ROS1: variants seen among roughly 807,000 people sequenced by gnomAD.
ROS1 encodes the protein proto-oncogene tyrosine-protein kinase ROS.
ROS1 carries 263 observed loss-of-function variants against 273.5 expected under a neutral mutation model. That is an observed-to-expected ratio of 0.96 (90% CI 0.87 to 1.06). The LOEUF is 1.06. Ranked by LOEUF, ROS1 falls within the 50% of genes least tolerant of loss-of-function variation. The pLI is 0.00. For synonymous variants in ROS1, 1,008 were observed against 954.1 expected, an observed-to-expected ratio of 1.06 and a Z score of -1.04; for missense variants, 2,833 against 2,751.1, an observed-to-expected ratio of 1.03 and a Z score of -0.67.
In ROS1 at chr6:117,393,337, A is replaced by G. The variant is rs1773221905; in HGVS notation, c.1192-16T>C. 3 of 1,452,480 alleles carry G rather than the reference A, an allele frequency of 2.1e-6. No homozygotes were observed. The highest frequency in any genetic ancestry group is 2.9e-6 in the Non-Finnish European group (3 of 1,035,272). 90.0% of individuals were successfully genotyped at this position (1,452,480 alleles called of 1,614,324 possible). On this transcript the variant is annotated splice_polypyrimidine_tract_variant and intron_variant, in intron 11 of 43. Transcript: ENST00000368507. ...AGACACATACCTAAAAAAATAAAAA[A>G]TATACCGGTAGGATTAGCATCTGTC...
chr6:117,414,548 G>T lies in ROS1; in HGVS notation c.229-3C>A. ...CAAACGGTGGCATAAGTATCATTCT[G>T]CATAGAAAAAAAAAAAGACTACTTA... On this transcript the variant is annotated splice_region_variant and splice_polypyrimidine_tract_variant and intron_variant, in intron 3 of 43. Coordinates refer to ENST00000368507, the MANE Select transcript of ROS1 (RefSeq NM_001378902.1). 1 of 716,130 alleles carries T rather than the reference G, an allele frequency of 1.4e-6. No homozygotes were observed. The highest frequency in any genetic ancestry group is 2.5e-6 in the Non-Finnish European group (1 of 398,620). 44.4% of individuals were successfully genotyped at this position (716,130 alleles called of 1,614,324 possible). A position where few individuals can be genotyped will look rare whatever the true frequency, so the allele number is the denominator to read the frequency against.
At position 117,425,551 on chromosome 6, in the gene ROS1, A is replaced by G; in HGVS notation, c.106T>C (p.Ser36Pro). Residue 36 changes from serine to proline, a missense_variant, in exon 1 of 44, where the codon TCG becomes CCG. Coordinates refer to ENST00000368507, the MANE Select transcript of ROS1 (RefSeq NM_001378902.1). ...QCTVLNSCLK[S>P]CVTNLGQQLD... ...AGACTTACCAGATTAGTTACACACG[A>G]CTTTAGGCAGCTATTTAAAACTGTA... The G allele has an allele frequency of 1.2e-6, 2 of 1,601,804 alleles. No individual in the cohort carries two copies. Among genetic ancestry groups the G allele is most frequent in the Non-Finnish European group, 1.7e-6 (2 of 1,176,334 alleles).
rs1582660716 is a variant in ROS1 at position 117,337,314 on chromosome 6, A to G, written c.5088T>C (p.Val1696=). ...CAGGACCTTGGCTGCATGAAGTTTT[A>G]ACATGGTAAAACTCATTGTATTTCC... ...QKWKYNEFYH[V]KTSCSQGPAY... is the part of the protein sequence containing the mutation. The change falls in exon 32 of 44, where the codon GTT becomes GTC. Residue 1696 remains valine, a synonymous_variant. Coordinates refer to ENST00000368507, the MANE Select transcript of ROS1 (RefSeq NM_001378902.1). 6.2e-7 allele frequency: 1 copy of G among 1,605,188 alleles called. No individual in the cohort carries two copies. The highest frequency in any genetic ancestry group is 8.5e-7 in the Non-Finnish European group (1 of 1,177,044).
chr6:117,410,755 T>C (rs1774838108), intron 4 of ROS1, among the ~76,000 whole-genome samples: 1 of 152,182 alleles, frequency 6.6e-6, no homozygotes, highest in South Asian at 2.1e-4. Context: ...AGAAGAGCTA[T>C]AACTTGCAAA....
chr6:117,330,747 T>C (rs1270558904), intron 32 of ROS1, among the ~76,000 whole-genome samples: 4 of 151,984 alleles, frequency 2.6e-5, no homozygotes, highest in South Asian at 2.1e-4. Context: ...GAAGTGACTA[T>C]TGAAAGAAAA....
chr6:117,383,570 T>G, intron 16 of ROS1, 62 bp from the exon 17 acceptor site: 1 of 1,221,156 alleles, frequency 8.2e-7, no homozygotes, highest in South Asian at 1.2e-5. Context: ...TTTCTGAATA[T>G]TTATTGCAAT....
rs770389378 is a variant in ROS1, at chr6:117,376,405, TG to T, written c.2582+2653del. ...AACTCCAGGTCCAGATGAATTAGCT[TG>T]TGGACTTTATCAAAACTAAAGAAGA... is the stretch of plus-strand genomic sequence containing the variant. On this transcript the variant is annotated intron_variant, in intron 18 of 43. Transcript: ENST00000368507. Among the ~76,000 whole-genome samples the T allele has an allele frequency of 1.1e-4, 16 of 152,254 alleles. No homozygotes were observed. In the East Asian group the frequency reaches 1.7e-3, roughly 17 times the overall value.
At position 117,389,434 on chromosome 6, in the gene ROS1, C is replaced by G. The variant is rs2128704025; in HGVS notation, c.1702G>C (p.Gly568Arg). The G allele has an allele frequency of 6.2e-7, 1 of 1,614,164 alleles. No individual in the cohort carries two copies. Among genetic ancestry groups the G allele is most frequent in the Non-Finnish European group, 8.5e-7 (1 of 1,180,036 alleles). ...AGCACCGAAAGCTCCTGCGGGCGGC[C>G]TGGCAGAGGGTGCAGCTGGGAGGAT... ...GSSSQLHPLP[G>R]RPQELSVLFG... Residue 568 changes from glycine (G) to arginine (R), a missense_variant, in exon 13 of 44, where the codon GGC becomes CGC. Physicochemically the swap from Gly to Arg is moderately radical, Grantham distance 125 (BLOSUM62 -2). Transcript: ENST00000368507.
rs1775316970 is a variant in ROS1, at chr6:117,308,853, C to T, written c.6492G>A (p.Val2164=). The part of the protein sequence containing the change: ...QPYPAHSNLD[V]LNYVQTGGRL... Reference sequence around the variant, plus strand: ...TCCCTCCTGTTTGCACATAGTTTAACACATCAAGGTTGGAATGAGCTGGAT... The same window carrying T: ...TCCCTCCTGTTTGCACATAGTTTAATACATCAAGGTTGGAATGAGCTGGAT... The change falls in exon 42 of 44, where the codon GTG becomes GTA. Residue 2164 remains valine (V), a synonymous_variant. Transcript: ENST00000368507. 6.2e-7 allele frequency: 1 copy of T among 1,613,424 alleles called. No individual in the cohort carries two copies. The highest frequency in any genetic ancestry group is 2.2e-5 in the East Asian group (1 of 44,850).
chr6:117,383,404 C>G lies in ROS1; in HGVS notation c.2394G>C (p.Trp798Cys). 2.5e-6 allele frequency: 4 copies of G among 1,613,862 alleles called. No homozygotes were observed. Among genetic ancestry groups the G allele is most frequent in the Non-Finnish European group, 3.4e-6 (4 of 1,179,802 alleles). The change falls in exon 17 of 44, where the codon TGG becomes TGC. Residue 798 changes from tryptophan (W) to cysteine (C), a missense_variant. Coordinates refer to ENST00000368507, the MANE Select transcript of ROS1 (RefSeq NM_001378902.1). ...TGCTTTCCACTGAATAGAGTGTGGT[C>G]CAGTAGAGATATCCACCAACTGAAT... ...VVDSVGGYLY[W>C]TTLYSVESTR...
intron 22 of ROS1, among the ~76,000 whole-genome samples, chr6:117,361,030 T>A (rs1562314828): frequency 6.6e-6 from 1 of 152,120 alleles, no homozygotes; most frequent in African/African-American, 2.4e-5. Flanking sequence ...CATTGTCTCT[T>A]TTGATCTTCA....
rs181239435 is a variant in ROS1 at position 117,419,214 on chromosome 6, T to C, written c.124-708A>G. On this transcript the variant is annotated intron_variant, in intron 1 of 43. Transcript: ENST00000368507. ...TCTATCCATTTGGCTCTTCACTCCA[T>C]CCTCAGCACCTGGAACACTGCCTGC... 3.9e-5 allele frequency among the ~76,000 whole-genome samples: 6 copies of C among 152,308 alleles called. No homozygotes were observed. The East Asian group carries it at 1.2e-3, about 29-fold the overall frequency.
chr6:117,309,080 A>T, intron 41 of ROS1, 152 bp from the exon 42 acceptor site: 1 of 673,176 alleles, frequency 1.5e-6, no homozygotes, highest in Non-Finnish European at 2.5e-6. Context: ...ATATAAAAGC[A>T]GGCTGACAAG....
intron 27 of ROS1, among the ~76,000 whole-genome samples, chr6:117,345,265 C>T (rs779238342): frequency 1.8e-4 from 28 of 152,182 alleles, no homozygotes; most frequent in Non-Finnish European, 4.0e-4. Context: ...AATGATCTTC[C>T]CCATCTGCCT....
rs199816916 is a variant in ROS1, at chr6:117,397,196, GT to G, written c.605-81del. The G allele has an allele frequency of 6.3e-3, 4,479 of 711,526 alleles. 1 individual carries two copies. The highest frequency in any genetic ancestry group is 9.6e-3 in the South Asian group (422 of 44,032). The allele number at this position is 711,526 out of a possible 1,614,324, so 44.1% of individuals were successfully genotyped here. ...TTAAAATAAGATGGAAAAAAGTCTT[GT>G]TTTTTTTTTTGAAAACTTAATGGAA... On this transcript the variant is annotated intron_variant, in intron 7 of 43. Coordinates refer to ENST00000368507, the MANE Select transcript of ROS1 (RefSeq NM_001378902.1).
intron 1 of ROS1, among the ~76,000 whole-genome samples, chr6:117,423,178 T>C (rs1276579639): frequency 6.6e-6 from 1 of 150,974 alleles, no homozygotes; most frequent in Admixed American, 6.6e-5. Context: ...GGGAGCAGGG[T>C]GAGGGATAAA....
chr6:117,299,064 C>T (rs1251903234), intron 43 of ROS1, among the ~76,000 whole-genome samples: 1 of 152,082 alleles, frequency 6.6e-6, no homozygotes, highest in Non-Finnish European at 1.5e-5. Context: ...AAGTGTTCTG[C>T]CATTGGCATT....
At chr6:117,347,417 T>C (rs1430141901) in intron 27 of ROS1, among the ~76,000 whole-genome samples, 1 of 152,162 alleles carries the variant, frequency 6.6e-6, no homozygotes, top group Non-Finnish European at 1.5e-5. Context: ...TAACCTCGTG[T>C]CCTGCAAACT....
intron 18 of ROS1, among the ~76,000 whole-genome samples, chr6:117,377,390 C>T (rs1215834113): frequency 1.3e-5 from 2 of 152,094 alleles, no homozygotes; most frequent in East Asian, 1.9e-4. Flanking sequence ...GGATTACAGG[C>T]GTGAGCCACC....
Sources: gnomAD v4.1 joint callset for allele counts (sites outside exome capture counted in the v4.1 genomes callset) on GRCh38, gnomAD v4.1.1 for gene constraint, MANE v1.5 for transcripts, NCBI Gene and HGNC (gene_info 2026-07-23, HGNC 2026-07-21) for gene names.